STMN4: variants seen among roughly 807,000 people sequenced by gnomAD.
STMN4 encodes the protein stathmin-4.
In STMN4, 12 loss-of-function variants were observed where a neutral mutation model predicts 29.1. The ratio of observed to expected loss-of-function variants is 0.41; its 90% CI spans 0.26 to 0.67. STMN4 has a LOEUF of 0.67. Ranked by LOEUF, STMN4 falls within the 30% of genes least tolerant of loss-of-function variation. The pLI is 0.30. For missense variants in STMN4, 181 were observed against 262.8 expected, an observed-to-expected ratio of 0.69 and a Z score of 2.15; for synonymous variants, 114 against 105.3, an observed-to-expected ratio of 1.08 and a Z score of -0.51.
chr8:27,244,124 C>T (rs914229582), intron 1 of STMN4, among the ~76,000 whole-genome samples: 4 of 152,170 alleles, frequency 2.6e-5, no homozygotes, highest in Admixed American at 6.5e-5. Flanking sequence ...AGCTCAAGAA[C>T]CTGGCCCAAT....
chr8:27,256,959 C>T (rs1055884075), intron 1 of STMN4, among the ~76,000 whole-genome samples: 1 of 152,188 alleles, frequency 6.6e-6, no homozygotes, highest in African/African-American at 2.4e-5. Flanking sequence ...CACTCCAGAG[C>T]TGTTCCAGGA....
At chr8:27,242,980 T>A (rs1801519809) in intron 2 of STMN4, among the ~76,000 whole-genome samples, 1 of 152,142 alleles carries the variant, frequency 6.6e-6, no homozygotes, top group Non-Finnish European at 1.5e-5. Flanking sequence ...GGTCTGCCCC[T>A]CACAAGGTCA....
intron 1 of STMN4, among the ~76,000 whole-genome samples, chr8:27,253,585 T>A (rs1801853280): frequency 6.6e-6 from 1 of 152,192 alleles, no homozygotes; most frequent in Non-Finnish European, 1.5e-5. Context: ...TACAAACACA[T>A]CCCCTAGCCT....
chr8:27,244,645 T>C (rs762351457), intron 1 of STMN4, among the ~76,000 whole-genome samples: 6 of 152,028 alleles, frequency 3.9e-5, no homozygotes, highest in Admixed American at 6.6e-5. Context: ...CAGGAGGGCA[T>C]TGTGCAAGGG....
intron 1 of STMN4, among the ~76,000 whole-genome samples, chr8:27,255,406 T>G (rs11135988): frequency 6.6e-6 from 1 of 152,218 alleles, no homozygotes; most frequent in Non-Finnish European, 1.5e-5. Context: ...CAGGTAAGTA[T>G]GAAATAATAT....
Position 27,242,176 on chromosome 8 carries a change from T to TG in STMN4, c.109+220dup, listed in dbSNP as rs927663156. On this transcript the variant is annotated intron_variant, in intron 3 of 6. Transcript: ENST00000350889. ...AGAGGTGACAAGATCGAGTGCACTC[T>TG]GGGGGGCGCCTGATGCAGACCTTCA... is the stretch of plus-strand genomic sequence containing the variant. 3 of 590,398 alleles carry TG rather than the reference T, an allele frequency of 5.1e-6. No homozygotes were observed. The African/African-American group carries it at 5.6e-5, about 11-fold the overall frequency. 36.6% of individuals were successfully genotyped at this position (590,398 alleles called of 1,614,324 possible).
At chr8:27,251,296 A>G (rs1801777124) in intron 1 of STMN4, among the ~76,000 whole-genome samples, 2 of 122,672 alleles carry the variant, frequency 1.6e-5, no homozygotes, top group Admixed American at 1.8e-4. Context: ...GTATATATAT[A>G]TACATATAAT....
chr8:27,252,952 T>G (rs948035075), intron 1 of STMN4, among the ~76,000 whole-genome samples: 2 of 152,214 alleles, frequency 1.3e-5, no homozygotes, highest in African/African-American at 4.8e-5. Flanking sequence ...AGAGTCCCTG[T>G]TAAAATGCAC....
intron 1 of STMN4, among the ~76,000 whole-genome samples, chr8:27,253,857 A>G (rs921763529): frequency 1.3e-5 from 2 of 151,750 alleles, no homozygotes; most frequent in African/African-American, 4.8e-5. Context: ...ATCTTGGCTC[A>G]CTGCAACCTC....
At position 27,235,333 on chromosome 8, in the gene STMN4, C is replaced by T. The variant is rs949061640; in HGVS notation, c.*1513G>A. ...TGAGAAGAAAGAAAAAAAGGCTATA[C>T]CAAAGGGTTTATTTGCAAAGCTGTA... On this transcript the variant is annotated 3_prime_UTR_variant, in exon 7 of 7. Coordinates refer to ENST00000350889, the MANE Select transcript of STMN4 (RefSeq NM_030795.4). 1.3e-5 allele frequency: 2 copies of T among 155,176 alleles called. No individual in the cohort carries two copies. Among genetic ancestry groups the T allele is most frequent in the African/African-American group, 4.8e-5 (2 of 41,368 alleles). 9.6% of individuals were successfully genotyped at this position (155,176 alleles called of 1,614,324 possible). A position where few individuals can be genotyped will look rare whatever the true frequency, so the allele number is the denominator to read the frequency against.
intron 1 of STMN4, among the ~76,000 whole-genome samples, chr8:27,252,935 G>C (rs1302677007): frequency 1.3e-5 from 2 of 152,188 alleles, no homozygotes; most frequent in African/African-American, 4.8e-5. Context: ...CTCAGGCATT[G>C]CCTCAGAGAG....
At position 27,243,697 on chromosome 8, in the gene STMN4, G is replaced by A; in HGVS notation, c.13+14C>T. 1 of 1,613,728 alleles carries A rather than the reference G, an allele frequency of 6.2e-7. No homozygotes were observed. Among genetic ancestry groups the A allele is most frequent in the Admixed American group, 1.7e-5 (1 of 60,034 alleles). Reference sequence around the variant, plus strand: ...AATAGCCTACGCCCCTTAACACATGGTTTTTGTACCTACCAGCAAGGGTCA... The same window carrying A: ...AATAGCCTACGCCCCTTAACACATGATTTTTGTACCTACCAGCAAGGGTCA... On this transcript the variant is annotated intron_variant, in intron 2 of 6. Transcript: ENST00000350889.
intron 3 of STMN4, 172 bp downstream of exon 3, chr8:27,242,225 T>TG (rs2130074797): frequency 1.5e-6 from 1 of 668,558 alleles, no homozygotes; most frequent in South Asian, 1.9e-5. Context: ...GTGCCCAGGC[T>TG]GGACCACTGC....
rs547919869 is a variant in STMN4 at position 27,236,579 on chromosome 8, A to G, written c.*267T>C. On this transcript the variant is annotated 3_prime_UTR_variant, in exon 7 of 7. Transcript: ENST00000350889. ...CAGATCTGCGCCGGGCAGGGTTGCA[A>G]TGTCCTTGAGTTCTTCTCCATCTCC... The G allele has an allele frequency of 1.5e-4, 49 of 329,542 alleles. No homozygotes were observed. Among genetic ancestry groups the G allele is most frequent in the African/African-American group, 5.6e-4 (26 of 46,604 alleles). The allele number at this position is 329,542 out of a possible 1,614,324, so 20.4% of individuals were successfully genotyped here.
At chr8:27,241,889 G>T in intron 3 of STMN4, 132 bp from the exon 4 acceptor site, 1 of 1,006,874 alleles carries the variant, frequency 9.9e-7, no homozygotes, top group East Asian at 2.4e-5. Context: ...TGGTGAGGAC[G>T]TGGCCACCCA....
In STMN4 at chr8:27,235,872, G is replaced by A. The variant is rs1343102455; in HGVS notation, c.*974C>T. 6.5e-6 allele frequency: 1 copy of A among 152,700 alleles called. No individual in the cohort carries two copies. Among genetic ancestry groups the A allele is most frequent in the Non-Finnish European group, 1.5e-5 (1 of 68,204 alleles). 9.5% of individuals were successfully genotyped at this position (152,700 alleles called of 1,614,324 possible). On this transcript the variant is annotated 3_prime_UTR_variant, in exon 7 of 7. Transcript: ENST00000350889. ...CTGAATCTGCTGGCACCTTGATATT[G>A]GACTTCCCAGCCTCCAAAACTGTGA...
intron 1 of STMN4, among the ~76,000 whole-genome samples, chr8:27,252,342 G>A (rs1311928338): frequency 6.6e-6 from 1 of 152,136 alleles, no homozygotes; most frequent in African/African-American, 2.4e-5. Context: ...GGGATGGCTG[G>A]GTCAAATGGT....
At chr8:27,242,607 G>T in intron 2 of STMN4, 115 bp from the exon 3 acceptor site, 1 of 923,296 alleles carries the variant, frequency 1.1e-6, no homozygotes, top group Non-Finnish European at 1.7e-6. Flanking sequence ...CTCAAACCAC[G>T]CAGGCACACG....
intron 6 of STMN4, among the ~76,000 whole-genome samples, chr8:27,237,612 A>G (rs1428727085): frequency 1.3e-5 from 2 of 152,138 alleles, no homozygotes; most frequent in Non-Finnish European, 2.9e-5. Flanking sequence ...CCAACTCCAA[A>G]AAGTGGACTT....
Sources: allele counts gnomAD v4.1 joint callset (sites outside exome capture counted in the v4.1 genomes callset), GRCh38; gene constraint gnomAD v4.1.1; transcripts MANE v1.5; gene names NCBI Gene and HGNC (gene_info 2026-07-23, HGNC 2026-07-21).